The following PSEN2 variants were observed in gnomAD, a reference collection of about 807,000 sequenced individuals.
PSEN2 encodes presenilin 2, also known as presenilin-2.
A neutral mutation model predicts 49.1 loss-of-function variants in PSEN2; 32 were observed. The observed-to-expected ratio is 0.65, with a 90% CI of 0.49 to 0.88. The LOEUF is 0.88. Ranked by LOEUF, PSEN2 falls within the 40% of genes least tolerant of loss-of-function variation. PSEN2 has a pLI of 0.00. For missense variants in PSEN2, 522 were observed against 586.9 expected (o/e 0.89, Z 1.14); for synonymous variants, 255 against 244.0 (o/e 1.05, Z -0.42).
intron 7 of PSEN2, among the ~76,000 whole-genome samples, chr1:226,888,402 A>T (rs1041791566): frequency 6.6e-6 from 1 of 152,166 alleles, no homozygotes; most frequent in Non-Finnish European, 1.5e-5. Flanking sequence ...TGAACCCTTC[A>T]TGGAGAAGGC....
intron 2 of PSEN2, among the ~76,000 whole-genome samples, chr1:226,874,155 G>T (rs546674909): frequency 6.6e-6 from 1 of 152,194 alleles, no homozygotes; most frequent in Non-Finnish European, 1.5e-5. Context: ...ATACCTGCCC[G>T]TGGTGAAGGC....
intron 12 of PSEN2, chr1:226,903,618 T>A (rs1662380176): frequency 6.6e-6 from 1 of 152,142 alleles, no homozygotes; most frequent in Non-Finnish European, 1.5e-5. Flanking sequence ...TCCCCACATC[T>A]GTTCTTTCTG....
chr1:226,902,345 T>C (rs1571980909), intron 12 of PSEN2, among the ~76,000 whole-genome samples: 1 of 152,070 alleles, frequency 6.6e-6, no homozygotes, highest in South Asian at 2.1e-4. Context: ...TATAGACTGG[T>C]ACTGGTCCAT....
chr1:226,889,281 C>CTT (rs58663378), intron 8 of PSEN2, among the ~76,000 whole-genome samples: 1 of 145,926 alleles, frequency 6.9e-6, no homozygotes, highest in Non-Finnish European at 1.5e-5. Context: ...TCCTCATTTA[C>CTT]TTTTTTTTTT....
intron 11 of PSEN2, among the ~76,000 whole-genome samples, chr1:226,893,273 A>G (rs376667461): frequency 2.0e-5 from 3 of 152,218 alleles, no homozygotes; most frequent in South Asian, 2.1e-4. Flanking sequence ...GGACCAGCCA[A>G]ATGAAGAGAC....
chr1:226,894,651 T>G (rs957783755), intron 12 of PSEN2, among the ~76,000 whole-genome samples: 2 of 152,178 alleles, frequency 1.3e-5, no homozygotes, highest in African/African-American at 4.8e-5. Flanking sequence ...CGTGACCAGA[T>G]ACACATAATG....
At position 226,890,590 on chromosome 1, in the gene PSEN2, A is replaced by G. The variant is rs992318768; in HGVS notation, c.886+457A>G. 23 of 268,862 alleles carry G rather than the reference A, an allele frequency of 8.6e-5. 1 individual carries two copies. The highest frequency in any genetic ancestry group is 2.6e-4 in the African/African-American group (12 of 45,736). The allele number at this position is 268,862 out of a possible 1,614,324, so 16.7% of individuals were successfully genotyped here. A position where few individuals can be genotyped will look rare whatever the true frequency, so the allele number is the denominator to read the frequency against. On this transcript the variant is annotated intron_variant, in intron 9 of 12. Coordinates refer to ENST00000366783, the MANE Select transcript of PSEN2 (RefSeq NM_000447.3). Reference sequence around the variant, plus strand: ...GGGATGGCCCCTGGCCTCGGGGTCAATGTGTAGAGATTTGGACTTACACAT... The same window carrying G: ...GGGATGGCCCCTGGCCTCGGGGTCAGTGTGTAGAGATTTGGACTTACACAT...
At chr1:226,886,740 G>T (rs957571580) in intron 6 of PSEN2, among the ~76,000 whole-genome samples, 1 of 152,148 alleles carries the variant, frequency 6.6e-6, no homozygotes, top group African/African-American at 2.4e-5. Context: ...CCCTTCCAGC[G>T]GGGGCAGCAG....
chr1:226,903,229 G>A lies in PSEN2; in HGVS notation c.1192-5293G>A, dbSNP rs78046149. Reference sequence around the variant, plus strand: ...CCCTGTCTCTGTTGGTTCTGAAAATGTTGGATTTTGTCTCAGCCCTTGCTT... The same window carrying A: ...CCCTGTCTCTGTTGGTTCTGAAAATATTGGATTTTGTCTCAGCCCTTGCTT... On this transcript the variant is annotated intron_variant, in intron 12 of 14. Coordinates refer to the PSEN2 transcript ENST00000676945. 5.3e-4 allele frequency among the ~76,000 whole-genome samples: 80 copies of A among 152,064 alleles called. 1 individual carries two copies. The East Asian group carries it at 0.015, about 28-fold the overall frequency.
chr1:226,885,510 A>G lies in PSEN2; in HGVS notation c.357-28A>G, dbSNP rs987460093. The G allele has an allele frequency of 3.7e-6, 6 of 1,612,586 alleles. No homozygotes were observed. In the African/African-American group the frequency reaches 8.0e-5, roughly 22 times the overall value. ...GCCTCGAGGAGCAGTCAGGGCCGGG[A>G]GCATCAGCCCTTTGCCTTCTCCCTC... On this transcript the variant is annotated intron_variant, in intron 5 of 12. Transcript: ENST00000366783.
chr1:226,884,566 T>C (rs12401969), intron 5 of PSEN2: 116,001 of 150,262 alleles, frequency 0.77, 44,993 homozygotes, highest in African/African-American at 0.82. Flanking sequence ...AAGTTAGGGA[T>C]TTTTGTTTCA....
At chr1:226,872,570 G>A (rs1178364496) in intron 2 of PSEN2, among the ~76,000 whole-genome samples, 1 of 152,174 alleles carries the variant, frequency 6.6e-6, no homozygotes, top group African/African-American at 2.4e-5. Flanking sequence ...GTTTTGTGGA[G>A]TCCCCATGAG....
chr1:226,888,392 T>C (rs1409894960), intron 7 of PSEN2, among the ~76,000 whole-genome samples: 1 of 152,178 alleles, frequency 6.6e-6, no homozygotes, highest in Non-Finnish European at 1.5e-5. Flanking sequence ...TGATTTAAAA[T>C]GAACCCTTCA....
At chr1:226,876,005 C>T (rs997165110) in intron 3 of PSEN2, among the ~76,000 whole-genome samples, 13 of 152,192 alleles carry the variant, frequency 8.5e-5, no homozygotes, top group Non-Finnish European at 1.8e-4. Flanking sequence ...CATTTTCCTG[C>T]CACTTCTCTA....
At chr1:226,886,304 T>C (rs1661360210) in intron 6 of PSEN2, among the ~76,000 whole-genome samples, 1 of 152,238 alleles carries the variant, frequency 6.6e-6, no homozygotes, top group African/African-American at 2.4e-5. Flanking sequence ...CTCACCCCGA[T>C]ACTTCCCCTG....
At chr1:226,897,100 C>G (rs965285270), downstream of PSEN2, among the ~76,000 whole-genome samples, 2 of 152,024 alleles carry the variant, frequency 1.3e-5, no homozygotes, top group Admixed American at 6.6e-5. Flanking sequence ...AGGTCAGAGA[C>G]CTGGGATGGG....
intron 3 of PSEN2, among the ~76,000 whole-genome samples, chr1:226,881,109 T>G (rs1660958837): frequency 1.3e-5 from 2 of 152,196 alleles, no homozygotes; most frequent in Non-Finnish European, 2.9e-5. Flanking sequence ...TGCCCTCACT[T>G]GCATCCATCC....
In PSEN2 at chr1:226,895,953, C is replaced by G; in HGVS notation, c.*374C>G. 1 of 358,714 alleles carries G rather than the reference C, an allele frequency of 2.8e-6. No homozygotes were observed. Among genetic ancestry groups the G allele is most frequent in the South Asian group, 2.8e-5 (1 of 35,834 alleles). 22.2% of individuals were successfully genotyped at this position (358,714 alleles called of 1,614,324 possible). ...TGGCTGGAGAGGAAAAGCCAGTTCC[C>G]TACGAGGAGTGTTCCCAATGCTTTG... On this transcript the variant is annotated 3_prime_UTR_variant, in exon 13 of 13. Transcript: ENST00000366783.
At chr1:226,895,174 AC>A (rs1333212774) in intron 12 of PSEN2, among the ~76,000 whole-genome samples, 2 of 152,192 alleles carry the variant, frequency 1.3e-5, no homozygotes, top group Non-Finnish European at 2.9e-5. Context: ...GGGGCACAGC[AC>A]TGCTCCAGGA....
Sources: allele counts gnomAD v4.1 joint callset (sites outside exome capture counted in the v4.1 genomes callset), GRCh38; gene constraint gnomAD v4.1.1; transcripts MANE v1.5; gene names NCBI Gene and HGNC (gene_info 2026-07-23, HGNC 2026-07-21).